Variants in SDHAF2 observed in about 807,000 individuals in gnomAD.
The protein encoded by SDHAF2 is succinate dehydrogenase complex assembly factor 2, also known as succinate dehydrogenase assembly factor 2, mitochondrial.
In SDHAF2, 21 loss-of-function variants were observed where a neutral mutation model predicts 18.5. The ratio of observed to expected loss-of-function variants is 1.13; its 90% CI spans 0.80 to 1.63. SDHAF2 has a LOEUF of 1.63. Ranked by LOEUF, SDHAF2 falls within the 40% of genes most tolerant of loss-of-function variation. The probability of loss-of-function intolerance (pLI) is 0.00; values close to 1 mark genes in which losing one functional copy is unlikely to be tolerated. For missense variants in SDHAF2, 195 were observed against 200.3 expected, an observed-to-expected ratio of 0.97 and a Z score of 0.16; for synonymous variants, 84 against 70.7, an observed-to-expected ratio of 1.19 and a Z score of -0.94.
chr11:61,434,592 T>C (rs1277395859), intron 1 of SDHAF2: 4 of 119,632 alleles, frequency 3.3e-5, no homozygotes, highest in Admixed American at 1.6e-4. Flanking sequence ...TTCTCATTCC[T>C]TTTTTTTTTT....
chr11:61,439,462 T>C (rs966168206), intron 3 of SDHAF2, among the ~76,000 whole-genome samples: 9 of 152,220 alleles, frequency 5.9e-5, no homozygotes, highest in African/African-American at 2.2e-4. Flanking sequence ...AATAATATAG[T>C]CTATTCCATC....
At chr11:61,438,698 C>T (rs1468658125) in intron 3 of SDHAF2, among the ~76,000 whole-genome samples, 1 of 152,158 alleles carries the variant, frequency 6.6e-6, no homozygotes, top group Non-Finnish European at 1.5e-5. Flanking sequence ...AAGAACCACT[C>T]TGGGAATGGA....
At chr11:61,443,303 A>G (rs1862092351) in intron 3 of SDHAF2, among the ~76,000 whole-genome samples, 2 of 152,030 alleles carry the variant, frequency 1.3e-5, no homozygotes, top group Admixed American at 1.3e-4. Context: ...CTGTTCATAC[A>G]TTTTGTCTGC....
In SDHAF2 at chr11:61,430,192, G is replaced by A. The variant is rs114207859; in HGVS notation, c.36+10G>A. ...CTCGACTTCGTCGCTGGTGAGGAGA[G>A]AGAACGTTCTAGCGTCCGGGGCGGG... On this transcript the variant is annotated intron_variant, in intron 1 of 3. Coordinates refer to ENST00000301761, the MANE Select transcript of SDHAF2 (RefSeq NM_017841.4). The A allele has an allele frequency of 2.4e-3, 3,923 of 1,614,226 alleles. 97 individuals carry two copies. The African/African-American group carries it at 0.045, about 19-fold the overall frequency.
Position 61,438,370 on chromosome 11 carries a change from T to C in SDHAF2, c.370+257T>C, listed in dbSNP as rs890384832. On this transcript the variant is annotated intron_variant, in intron 3 of 3. Transcript: ENST00000301761. ...ATGTGTCACCACACCCGGGTAATTT[T>C]ATATTTTTAATAGAGACAGGGTTTC... is the stretch of plus-strand genomic sequence containing the variant. 10 of 577,192 alleles carry C rather than the reference T, an allele frequency of 1.7e-5. 1 individual carries two copies. The South Asian group carries it at 1.9e-4, about 11-fold the overall frequency. The allele number at this position is 577,192 out of a possible 1,614,324, so 35.8% of individuals were successfully genotyped here.
chr11:61,442,081 T>A (rs550316492), intron 3 of SDHAF2, among the ~76,000 whole-genome samples: 182 of 152,056 alleles, frequency 1.2e-3, no homozygotes, highest in African/African-American at 4.2e-3. Context: ...TTTGTGGAGA[T>A]GAGGTTTTGC....
intron 3 of SDHAF2, among the ~76,000 whole-genome samples, chr11:61,440,019 A>C (rs185893918): frequency 6.6e-6 from 1 of 152,174 alleles, no homozygotes; most frequent in Non-Finnish European, 1.5e-5. Flanking sequence ...TAATAGGGCC[A>C]GGTGTGGTAG....
At chr11:61,444,364 G>A (rs988491521) in intron 3 of SDHAF2, 1 of 152,256 alleles carries the variant, frequency 6.6e-6, no homozygotes, top group African/African-American at 2.4e-5. Flanking sequence ...CTGATCAGTG[G>A]TGGAATTGCA....
intron 3 of SDHAF2, among the ~76,000 whole-genome samples, chr11:61,439,199 G>A (rs766459116): frequency 6.6e-5 from 10 of 152,146 alleles, no homozygotes; most frequent in Non-Finnish European, 1.0e-4. Flanking sequence ...AAGTCCAGAG[G>A]AAGGCACACT....
chr11:61,443,899 G>A (rs1430808035), intron 3 of SDHAF2, among the ~76,000 whole-genome samples: 1 of 151,934 alleles, frequency 6.6e-6, no homozygotes, highest in African/African-American at 2.4e-5. Flanking sequence ...TCAGCATCCC[G>A]AGTAGCTGGG....
chr11:61,438,153 A>G (rs780110911), intron 3 of SDHAF2, 40 bp downstream of exon 3: 1 of 1,446,850 alleles, frequency 6.9e-7, no homozygotes, highest in Non-Finnish European at 9.7e-7. Flanking sequence ...AAAATAGGAC[A>G]GTTTAGGCTG....
chr11:61,439,262 T>TG (rs1210805662), intron 3 of SDHAF2, among the ~76,000 whole-genome samples: 1 of 152,136 alleles, frequency 6.6e-6, no homozygotes, highest in Non-Finnish European at 1.5e-5. Context: ...CCCCCCTACT[T>TG]GCTGCTCTTT....
rs780961861 is a variant in SDHAF2, at chr11:61,430,201, C to G, written c.36+19C>G. On this transcript the variant is annotated intron_variant, in intron 1 of 3. Coordinates refer to ENST00000301761, the MANE Select transcript of SDHAF2 (RefSeq NM_017841.4). ...GTCGCTGGTGAGGAGAGAGAACGTT[C>G]TAGCGTCCGGGGCGGGCGGCAGCGG... is the stretch of plus-strand genomic sequence containing the variant. 3 of 1,614,124 alleles carry G rather than the reference C, an allele frequency of 1.9e-6. No individual in the cohort carries two copies. The highest frequency in any genetic ancestry group is 2.5e-6 in the Non-Finnish European group (3 of 1,179,972).
At chr11:61,436,761 G>C (rs1210653825) in intron 1 of SDHAF2, 1 of 645,406 alleles carries the variant, frequency 1.5e-6, no homozygotes, top group Non-Finnish European at 2.5e-6. Flanking sequence ...TTTCTCACAG[G>C]GAATTGGTTT....
chr11:61,438,323 C>T (rs2134893352), intron 3 of SDHAF2: 1 of 619,778 alleles, frequency 1.6e-6, no homozygotes, highest in Middle Eastern at 4.3e-4. Flanking sequence ...CCTCAGCCTC[C>T]TGAGTACCTG....
chr11:61,434,397 G>A (rs1308456910), intron 1 of SDHAF2: 2 of 151,906 alleles, frequency 1.3e-5, no homozygotes, highest in African/African-American at 2.4e-5. Flanking sequence ...GGCTGGTCTT[G>A]AACTCCTTAC....
chr11:61,435,951 TG>T (rs1464911053), intron 1 of SDHAF2: 3 of 152,184 alleles, frequency 2.0e-5, no homozygotes, highest in African/African-American at 7.2e-5. Context: ...AGAGAAACCC[TG>T]TCTCTACTAA....
rs2134902088 is a variant in SDHAF2, at chr11:61,446,026, A to G, written c.456A>G (p.Arg152=). 9 of 1,614,182 alleles carry G rather than the reference A, an allele frequency of 5.6e-6. No individual in the cohort carries two copies. The highest frequency in any genetic ancestry group is 6.8e-6 in the Non-Finnish European group (8 of 1,180,036). Residue 152 remains arginine (R), a synonymous_variant, in exon 4 of 4, where the codon AGA becomes AGG. Coordinates refer to ENST00000301761, the MANE Select transcript of SDHAF2 (RefSeq NM_017841.4). ...DFAKNKNKEQ[R]LRAPDLEYLF... ...CTAAAAACAAAAACAAAGAGCAGAG[A>G]CTGCGTGCCCCAGATCTTGAGTACC...
At position 61,437,791 on chromosome 11, in the gene SDHAF2, C is replaced by T. The variant is rs2134892424; in HGVS notation, c.203C>T (p.Ala68Val). ...GATGAATCCATAGAAACCAAAAGAGCCCGCCTGCTCTATGAGAGCAGAAAG... is the reference window on the plus strand; with the variant it reads ...GATGAATCCATAGAAACCAAAAGAGTCCGCCTGCTCTATGAGAGCAGAAAG... ...RTDESIETKR[A>V]RLLYESRKRG... Residue 68 changes from alanine (A) to valine (V), a missense_variant, in exon 2 of 4, where the codon GCC becomes GTC. Physicochemically the swap from Ala to Val is moderately conservative, Grantham distance 64. Coordinates refer to ENST00000301761, the MANE Select transcript of SDHAF2 (RefSeq NM_017841.4). 1.2e-6 allele frequency: 2 copies of T among 1,614,026 alleles called. No homozygotes were observed. Among genetic ancestry groups the T allele is most frequent in the South Asian group, 2.2e-5 (2 of 91,074 alleles).
Sources: allele counts gnomAD v4.1 joint callset (sites outside exome capture counted in the v4.1 genomes callset), GRCh38; gene constraint gnomAD v4.1.1; transcripts MANE v1.5; gene names NCBI Gene and HGNC (gene_info 2026-07-23, HGNC 2026-07-21).